ZNF264: variants seen among roughly 807,000 people sequenced by gnomAD.
ZNF264 encodes the protein zinc finger protein 264.
Under a neutral mutation model 11.2 loss-of-function variants are expected in ZNF264, and 11 were observed. The ratio of observed to expected loss-of-function variants is 0.98; its 90% confidence interval spans 0.62 to 1.63. ZNF264 has a LOEUF of 1.63. Among genes scored for constraint, ZNF264 ranks in the 40% most tolerant of loss-of-function variants. The pLI is 0.00. For synonymous variants in ZNF264, 309 were observed against 279.8 expected (o/e 1.10, Z -1.04); for missense variants, 752 against 768.1 (o/e 0.98, Z 0.25).
Position 57,212,524 on chromosome 19 carries a change from T to C in ZNF264, c.1427T>C (p.Ile476Thr), listed in dbSNP as rs150034000. 7.7e-5 allele frequency: 125 copies of C among 1,613,818 alleles called. No homozygotes were observed. Among genetic ancestry groups the C allele is most frequent in the Non-Finnish European group, 1.0e-4 (120 of 1,179,972 alleles). Reference sequence around the variant, plus strand: ...AAGGACCTCATTCGCCACTTCAGCATCCACACTGGAGAGAAGCCCTATGAG... The same window carrying C: ...AAGGACCTCATTCGCCACTTCAGCACCCACACTGGAGAGAAGCCCTATGAG... ...NRKDLIRHFS[I>T]HTGEKPYECV... Residue 476 changes from isoleucine (I) to threonine (T), a missense_variant, in exon 4 of 4, where the codon ATC becomes ACC. Transcript: ENST00000263095.
rs527266245 is a variant in ZNF264 at position 57,194,817 on chromosome 19, A to G, written c.160+816A>G. ...TCAATACGTTGCATCCTTCAATCCA[A>G]TCAAGTTGACACATTAATAAAAATC... On this transcript the variant is annotated intron_variant, in intron 2 of 3. Transcript: ENST00000263095. The G allele has an allele frequency of 6.2e-5, 25 of 400,254 alleles. No homozygotes were observed. The South Asian group carries it at 1.3e-3, about 20-fold the overall frequency. The allele number at this position is 400,254 out of a possible 1,614,324, so 24.8% of individuals were successfully genotyped here.
chr19:57,191,809 C>G lies in ZNF264; in HGVS notation c.-105C>G. 2 of 924,194 alleles carry G rather than the reference C, an allele frequency of 2.2e-6. No homozygotes were observed. The highest frequency in any genetic ancestry group is 4.3e-5 in the Admixed American group (1 of 23,390). 57.2% of individuals were successfully genotyped at this position (924,194 alleles called of 1,614,324 possible). ...CCACCGAGGAGGCGGCGGCCCCGAGCGCGCCTGGAAGCCCCGGGCAACCGG... is the reference window on the plus strand; with the variant it reads ...CCACCGAGGAGGCGGCGGCCCCGAGGGCGCCTGGAAGCCCCGGGCAACCGG... On this transcript the variant is annotated 5_prime_UTR_variant, in exon 1 of 4. Coordinates refer to ENST00000263095, the MANE Select transcript of ZNF264 (RefSeq NM_003417.5).
At position 57,211,335 on chromosome 19, in the gene ZNF264, T is replaced by A. The variant is rs1250282876; in HGVS notation, c.257-19T>A. 1 of 1,574,200 alleles carries A rather than the reference T, an allele frequency of 6.4e-7. No individual in the cohort carries two copies. The highest frequency in any genetic ancestry group is 1.9e-5 in the Admixed American group (1 of 52,670). Reference sequence around the variant, plus strand: ...TGTCCTTTACTAACAGGCCCTTTTGTGTGCTGGATTTCTTTCAGGCGACAA... The same window carrying A: ...TGTCCTTTACTAACAGGCCCTTTTGAGTGCTGGATTTCTTTCAGGCGACAA... On this transcript the variant is annotated intron_variant, in intron 3 of 3. Transcript: ENST00000263095.
chr19:57,207,523 C>T (rs2087301669), intron 3 of ZNF264, among the ~76,000 whole-genome samples: 2 of 143,860 alleles, frequency 1.4e-5, no homozygotes, highest in East Asian at 2.0e-4. Context: ...TAAAAATATG[C>T]TTGTTTCTTC....
Position 57,193,946 on chromosome 19 carries a change from G to A in ZNF264, c.105G>A (p.Gln35=), listed in dbSNP as rs375323588. ...AGTGGGGGCAGCTGGACCTAGCTCA[G>A]CGGACCCTGTACCAGGAGGTGATGC... ...KEEWGQLDLA[Q]RTLYQEVMLE... Residue 35 remains glutamine, a synonymous_variant, in exon 2 of 4, where the codon CAG becomes CAA. Transcript: ENST00000263095. The A allele has an allele frequency of 1.6e-3, 2,660 of 1,613,970 alleles. 61 individuals are homozygous for A. In the South Asian group the frequency reaches 0.027, roughly 16 times the overall value.
At chr19:57,209,873 C>T (rs2087321721) in intron 3 of ZNF264, among the ~76,000 whole-genome samples, 1 of 152,174 alleles carries the variant, frequency 6.6e-6, no homozygotes, top group African/African-American at 2.4e-5. Context: ...ACTAGGATTA[C>T]AGGCTTTGGG....
At chr19:57,200,544 C>G (rs117028573) in intron 2 of ZNF264, among the ~76,000 whole-genome samples, 4 of 86,904 alleles carry the variant, frequency 4.6e-5, no homozygotes, top group Admixed American at 3.2e-4. Flanking sequence ...TGTCTCTTGT[C>G]TCTTGTGTCT....
In ZNF264 at chr19:57,221,174, C is replaced by A. The variant is rs1487720270; in HGVS notation, c.*8193C>A. Reference sequence around the variant, plus strand: ...CAAGCGATTCTCCTGCCTCAGCCTCCTGAGTAGCTGGGACTACAGGTGCCT... The same window carrying A: ...CAAGCGATTCTCCTGCCTCAGCCTCATGAGTAGCTGGGACTACAGGTGCCT... On this transcript the variant is annotated 3_prime_UTR_variant, in exon 4 of 4. Coordinates refer to ENST00000263095, the MANE Select transcript of ZNF264 (RefSeq NM_003417.5). 6.6e-6 allele frequency: 1 copy of A among 152,430 alleles called. No individual in the cohort carries two copies. The highest frequency in any genetic ancestry group is 2.4e-5 in the African/African-American group (1 of 41,446). 9.4% of individuals were successfully genotyped at this position (152,430 alleles called of 1,614,324 possible).
At chr19:57,196,523 C>T (rs2087212859) in intron 2 of ZNF264, among the ~76,000 whole-genome samples, 2 of 151,884 alleles carry the variant, frequency 1.3e-5, no homozygotes, top group East Asian at 1.9e-4. Context: ...TGGCTGTAGC[C>T]AGGTCAGCCT....
chr19:57,207,914 T>C (rs1158816982), intron 3 of ZNF264, among the ~76,000 whole-genome samples: 1 of 152,056 alleles, frequency 6.6e-6, no homozygotes, highest in Non-Finnish European at 1.5e-5. Context: ...TTAATAAAAA[T>C]GGGGTTTCAC....
Position 57,207,739 on chromosome 19 carries a change from T to C in ZNF264, c.256+2247T>C, listed in dbSNP as rs367829146. Among the ~76,000 whole-genome samples the C allele has an allele frequency of 1.0e-3, 157 of 151,840 alleles. 1 individual carries two copies. The highest frequency in any genetic ancestry group is 3.3e-3 in the African/African-American group (136 of 41,400). Reference sequence around the variant, plus strand: ...TTGTTTGTTTTTTGTTTTGTTTTGTTTTTTGAGATGGAGTTTTGCTGTTGT... The same window carrying C: ...TTGTTTGTTTTTTGTTTTGTTTTGTCTTTTGAGATGGAGTTTTGCTGTTGT... On this transcript the variant is annotated intron_variant, in intron 3 of 3. Transcript: ENST00000263095.
At position 57,220,256 on chromosome 19, in the gene ZNF264, A is replaced by C. The variant is rs1475073029; in HGVS notation, c.*7275A>C. The C allele has an allele frequency of 2.0e-5, 3 of 152,236 alleles. No individual in the cohort carries two copies. Among genetic ancestry groups the C allele is most frequent in the Non-Finnish European group, 4.4e-5 (3 of 68,052 alleles). The allele number at this position is 152,236 out of a possible 1,614,324, so 9.4% of individuals were successfully genotyped here. On this transcript the variant is annotated 3_prime_UTR_variant, in exon 4 of 4. Coordinates refer to ENST00000263095, the MANE Select transcript of ZNF264 (RefSeq NM_003417.5). ...AACAATGCTATAATCTGTTACTCTC[A>C]TTCGACAATACATCTTGACTGTTTC...
At chr19:57,204,132 C>T (rs911185124) in intron 2 of ZNF264, among the ~76,000 whole-genome samples, 3 of 150,528 alleles carry the variant, frequency 2.0e-5, no homozygotes, top group Admixed American at 6.7e-5. Context: ...AGGAGAATGG[C>T]GTGAACCCGG....
Position 57,215,628 on chromosome 19 carries a change from G to A in ZNF264, c.*2647G>A, listed in dbSNP as rs1021614491. 2 of 151,960 alleles carry A rather than the reference G, an allele frequency of 1.3e-5. No homozygotes were observed. Among genetic ancestry groups the A allele is most frequent in the Admixed American group, 1.3e-4 (2 of 15,242 alleles). 9.4% of individuals were successfully genotyped at this position (151,960 alleles called of 1,614,324 possible). A position where few individuals can be genotyped will look rare whatever the true frequency, so the allele number is the denominator to read the frequency against. On this transcript the variant is annotated 3_prime_UTR_variant, in exon 4 of 4. Transcript: ENST00000263095. ...GTGGGGTTTTAGATTATTGATTTGA[G>A]ATTTTTTTGCTTTTTTAATGTAAGC...
At chr19:57,205,545 G>A (rs975163431) in intron 3 of ZNF264, 53 bp downstream of exon 3, 5 of 1,484,914 alleles carry the variant, frequency 3.4e-6, no homozygotes, top group Middle Eastern at 1.7e-4. Context: ...AAGACTGGAT[G>A]GAGACCACTG....
chr19:57,210,120 C>G (rs968490208), intron 3 of ZNF264, among the ~76,000 whole-genome samples: 1 of 152,168 alleles, frequency 6.6e-6, no homozygotes. Flanking sequence ...GGATTGTCAT[C>G]AACACCATCC....
At chr19:57,195,355 T>C (rs2087204451) in intron 2 of ZNF264, among the ~76,000 whole-genome samples, 1 of 152,336 alleles carries the variant, frequency 6.6e-6, no homozygotes, top group East Asian at 1.9e-4. Flanking sequence ...CAAACATGTT[T>C]TTAATAAAAG....
intron 2 of ZNF264, chr19:57,195,104 A>T: frequency 3.0e-6 from 1 of 328,138 alleles, no homozygotes; most frequent in Non-Finnish European, 5.5e-6. Context: ...TCCCTTGTCA[A>T]CTTGAACCCA....
rs2087399028 is a variant in ZNF264 at position 57,218,982 on chromosome 19, T to G, written c.*6001T>G. 1 of 152,224 alleles carries G rather than the reference T, an allele frequency of 6.6e-6. No homozygotes were observed. The highest frequency in any genetic ancestry group is 1.5e-5 in the Non-Finnish European group (1 of 68,046). 9.4% of individuals were successfully genotyped at this position (152,224 alleles called of 1,614,324 possible). ...CTGGGGGAATAGAAAGCCCACAGTC[T>G]TCTGAGTTGTGCTACACCAATATTT... is the stretch of plus-strand genomic sequence containing the variant. On this transcript the variant is annotated 3_prime_UTR_variant, in exon 4 of 4. Transcript: ENST00000263095.
Sources: gnomAD v4.1 joint callset for allele counts (sites outside exome capture counted in the v4.1 genomes callset) on GRCh38, gnomAD v4.1.1 for gene constraint, MANE v1.5 for transcripts, NCBI Gene and HGNC (gene_info 2026-07-23, HGNC 2026-07-21) for gene names.